Variants in BACH2 observed in about 807,000 individuals in gnomAD.
BACH2 encodes the protein transcription regulator protein BACH2.
Under a neutral mutation model 61.8 loss-of-function variants are expected in BACH2, and 5 were observed. The ratio of observed to expected loss-of-function variants is 0.08; its 90% confidence interval spans 0.04 to 0.17. BACH2 has a LOEUF of 0.17. Ranked by LOEUF, BACH2 falls within the 10% of genes least tolerant of loss-of-function variation. The pLI, the probability that BACH2 is intolerant of heterozygous loss-of-function variation, is 1.00. For synonymous variants in BACH2, 446 were observed against 440.1 expected, an observed-to-expected ratio of 1.01 and a Z score of -0.17; for missense variants, 824 against 1,091.1, an observed-to-expected ratio of 0.76 and a Z score of 3.45.
chr6:90,149,089 T>C (rs903225375), intron 4 of BACH2, among the ~76,000 whole-genome samples: 4 of 152,024 alleles, frequency 2.6e-5, no homozygotes, highest in African/African-American at 9.7e-5. Flanking sequence ...GCTGAGTAAG[T>C]AGGTGGAGTG....
chr6:90,208,232 T>C (rs560203428), intron 3 of BACH2, among the ~76,000 whole-genome samples: 1 of 152,314 alleles, frequency 6.6e-6, no homozygotes, highest in East Asian at 1.9e-4. Flanking sequence ...AAAGAGCTTC[T>C]GCACAGCAAA....
At chr6:90,224,518 G>C (rs1769845220) in intron 3 of BACH2, among the ~76,000 whole-genome samples, 1 of 152,194 alleles carries the variant, frequency 6.6e-6, no homozygotes, top group African/African-American at 2.4e-5. Context: ...GTTCAAATAT[G>C]TAAGCCAAAA....
At chr6:90,290,232 G>A (rs1174313924) in intron 1 of BACH2, among the ~76,000 whole-genome samples, 2 of 152,212 alleles carry the variant, frequency 1.3e-5, no homozygotes. Flanking sequence ...TCCTCAGGGA[G>A]GGCTTCCCCA....
At chr6:90,289,495 C>G (rs923385991) in intron 1 of BACH2, among the ~76,000 whole-genome samples, 4 of 152,118 alleles carry the variant, frequency 2.6e-5, no homozygotes, top group Non-Finnish European at 5.9e-5. Context: ...TAAATAGATG[C>G]TGTCAAAATT....
intron 6 of BACH2, among the ~76,000 whole-genome samples, chr6:89,983,321 T>C (rs893760663): frequency 6.6e-6 from 1 of 152,224 alleles, no homozygotes; most frequent in Non-Finnish European, 1.5e-5. Flanking sequence ...CACTTGGAAC[T>C]TGTACTCCAG....
intron 4 of BACH2, among the ~76,000 whole-genome samples, chr6:90,113,758 C>T (rs1269400300): frequency 6.6e-6 from 1 of 151,362 alleles, no homozygotes; most frequent in East Asian, 1.9e-4. Context: ...TTAAATTAAT[C>T]AAATGGATAG....
intron 5 of BACH2, among the ~76,000 whole-genome samples, chr6:90,024,363 C>A (rs12663434): frequency 0.3 from 45,951 of 152,034 alleles, 8,427 homozygotes; most frequent in African/African-American, 0.51. Flanking sequence ...CCAAGTTGTA[C>A]GTTTTCAGTA....
intron 3 of BACH2, among the ~76,000 whole-genome samples, chr6:90,211,530 T>C (rs1183606473): frequency 1.3e-5 from 2 of 151,584 alleles, no homozygotes; most frequent in Admixed American, 1.3e-4. Flanking sequence ...ATGCTGAGAA[T>C]AACATAAGCC....
chr6:90,158,048 T>C (rs1319417957), intron 4 of BACH2, among the ~76,000 whole-genome samples: 3 of 152,044 alleles, frequency 2.0e-5, no homozygotes, highest in Non-Finnish European at 4.4e-5. Context: ...GATATGGAGC[T>C]GCTGGGGAAG....
At chr6:90,200,797 A>T (rs1011032647) in intron 4 of BACH2, among the ~76,000 whole-genome samples, 1 of 152,206 alleles carries the variant, frequency 6.6e-6, no homozygotes, top group East Asian at 1.9e-4. Flanking sequence ...TGTATATTTT[A>T]AAAATGCAAT....
intron 5 of BACH2, among the ~76,000 whole-genome samples, chr6:90,080,938 G>T (rs1165942379): frequency 3.3e-5 from 5 of 152,108 alleles, no homozygotes; most frequent in African/African-American, 4.8e-5. Context: ...GACTTGTGTT[G>T]TAAAAACACA....
At chr6:90,034,557 A>T (rs1412547854) in intron 5 of BACH2, among the ~76,000 whole-genome samples, 1 of 152,210 alleles carries the variant, frequency 6.6e-6, no homozygotes, top group African/African-American at 2.4e-5. Context: ...TATTCTTCTG[A>T]GTTGCTGAAA....
chr6:90,194,750 T>G (rs894846232), intron 4 of BACH2, among the ~76,000 whole-genome samples: 1 of 152,234 alleles, frequency 6.6e-6, no homozygotes, highest in Non-Finnish European at 1.5e-5. Context: ...AGCTTTGTCA[T>G]GACATTCAGC....
intron 2 of BACH2, among the ~76,000 whole-genome samples, chr6:90,258,415 G>A (rs1188898554): frequency 6.6e-6 from 1 of 151,958 alleles, no homozygotes; most frequent in South Asian, 2.1e-4. Context: ...CTGTTCCACT[G>A]GTCTATGTGT....
rs563974569 is a variant in BACH2 at position 90,113,596 on chromosome 6, AG to A, written c.-161-24488del. Among the ~76,000 whole-genome samples the A allele has an allele frequency of 1.5e-3, 222 of 152,314 alleles. 1 individual carries two copies. Among genetic ancestry groups the A allele is most frequent in the African/African-American group, 5.0e-3 (207 of 41,576 alleles). ...GGGACACAGCTAAGGCAGTGTTAAG[AG>A]GGAAATTCATAGCACTAAATGTTCA... On this transcript the variant is annotated intron_variant, in intron 4 of 8. Coordinates refer to ENST00000257749, the MANE Select transcript of BACH2 (RefSeq NM_021813.4).
intron 5 of BACH2, among the ~76,000 whole-genome samples, chr6:90,056,236 G>A (rs1780341536): frequency 6.6e-6 from 1 of 152,140 alleles, no homozygotes; most frequent in African/African-American, 2.4e-5. Context: ...CATCTCACGT[G>A]CAGAGACACA....
intron 5 of BACH2, among the ~76,000 whole-genome samples, chr6:90,025,006 G>A (rs929823427): frequency 6.6e-6 from 1 of 152,142 alleles, no homozygotes; most frequent in Non-Finnish European, 1.5e-5. Context: ...TCCACCCAGC[G>A]ATGTCAGATG....
chr6:90,226,660 A>G (rs1027399798), intron 3 of BACH2, among the ~76,000 whole-genome samples: 4 of 152,038 alleles, frequency 2.6e-5, no homozygotes, highest in Non-Finnish European at 5.9e-5. Flanking sequence ...CTATTGGTCT[A>G]TTACTGTCAA....
chr6:90,207,626 C>G (rs1036670270), intron 3 of BACH2, among the ~76,000 whole-genome samples: 7 of 151,956 alleles, frequency 4.6e-5, no homozygotes, highest in Non-Finnish European at 8.8e-5. Flanking sequence ...TCCCATAATA[C>G]ATGGAATCGG....
Sources: gnomAD v4.1 joint callset for allele counts (sites outside exome capture counted in the v4.1 genomes callset) on GRCh38, gnomAD v4.1.1 for gene constraint, MANE v1.5 for transcripts, NCBI Gene and HGNC (gene_info 2026-07-23, HGNC 2026-07-21) for gene names.